VPS8: variants seen among roughly 807,000 people sequenced by gnomAD.
The protein encoded by VPS8 is vacuolar protein sorting-associated protein 8 homolog.
Under a neutral mutation model 216.4 loss-of-function variants are expected in VPS8, and 129 were observed. The ratio of observed to expected loss-of-function variants is 0.60; its 90% CI spans 0.52 to 0.69. The LOEUF is 0.69. VPS8 is among the 30% of genes least tolerant of loss of function. The probability of loss-of-function intolerance (pLI) is 0.00; values close to 1 mark genes in which losing one functional copy is unlikely to be tolerated. For missense variants in VPS8, 1,531 were observed against 1,683.5 expected, an observed-to-expected ratio of 0.91 and a Z score of 1.59; for synonymous variants, 571 against 565.4, an observed-to-expected ratio of 1.01 and a Z score of -0.14.
At chr3:184,915,612 C>CTCAG in intron 28 of VPS8, 138 bp downstream of exon 28, 1 of 871,190 alleles carries the variant, frequency 1.1e-6, no homozygotes, top group Non-Finnish European at 1.7e-6. Flanking sequence ...AGTTCCAGAC[C>CTCAG]AGCCTGGTCA....
At chr3:184,980,675 T>C (rs1396599767) in intron 40 of VPS8, among the ~76,000 whole-genome samples, 11 of 152,292 alleles carry the variant, frequency 7.2e-5, no homozygotes, top group Non-Finnish European at 1.5e-5. Flanking sequence ...ACAGATCAGT[T>C]TGGTTCTTTC....
intron 36 of VPS8, among the ~76,000 whole-genome samples, chr3:184,947,793 A>G (rs1743965806): frequency 6.6e-6 from 1 of 152,202 alleles, no homozygotes; most frequent in Non-Finnish European, 1.5e-5. Flanking sequence ...TCAAAATTTC[A>G]GTGAACTTTT....
At chr3:184,995,695 A>G (rs1183857692) in intron 43 of VPS8, among the ~76,000 whole-genome samples, 1 of 152,240 alleles carries the variant, frequency 6.6e-6, no homozygotes, top group Non-Finnish European at 1.5e-5. Context: ...AATACTATAT[A>G]AATACATAGA....
chr3:184,876,013 C>T (rs1729209453), intron 21 of VPS8, among the ~76,000 whole-genome samples: 1 of 151,450 alleles, frequency 6.6e-6, no homozygotes. Context: ...AGAGTTGTCT[C>T]CATTTCCTTA....
At chr3:184,948,427 G>T (rs1744078479) in intron 36 of VPS8, among the ~76,000 whole-genome samples, 1 of 152,242 alleles carries the variant, frequency 6.6e-6, no homozygotes, top group African/African-American at 2.4e-5. Flanking sequence ...GAGGCAGAAG[G>T]ATTGCTTGAG....
chr3:185,031,365 GA>G (rs1259104176), intron 46 of VPS8, among the ~76,000 whole-genome samples: 2 of 152,110 alleles, frequency 1.3e-5, no homozygotes, highest in Non-Finnish European at 2.9e-5. Context: ...GCCCTTGATC[GA>G]TATAGATGCT....
At chr3:184,921,833 G>A (rs760385790) in intron 29 of VPS8, among the ~76,000 whole-genome samples, 11 of 152,116 alleles carry the variant, frequency 7.2e-5, no homozygotes, top group Non-Finnish European at 1.2e-4. Flanking sequence ...CCAAAGTGCC[G>A]GGATTACAGG....
At chr3:184,945,169 C>A (rs1042668071) in intron 36 of VPS8, among the ~76,000 whole-genome samples, 17 of 151,730 alleles carry the variant, frequency 1.1e-4, no homozygotes, top group South Asian at 6.2e-4. Flanking sequence ...CTCTCTCTCT[C>A]TCTCTATATA....
At chr3:184,949,375 C>G (rs778361721) in intron 36 of VPS8, among the ~76,000 whole-genome samples, 14 of 152,222 alleles carry the variant, frequency 9.2e-5, no homozygotes, top group South Asian at 2.1e-4. Flanking sequence ...GTGACCAAAT[C>G]CCCTACAGCC....
intron 45 of VPS8, among the ~76,000 whole-genome samples, chr3:185,019,552 G>T (rs973103663): frequency 1.3e-5 from 2 of 152,236 alleles, no homozygotes; most frequent in African/African-American, 4.8e-5. Context: ...AAAGGGATGG[G>T]TCTGGCTAGT....
At chr3:184,891,408 G>A (rs1322990166) in intron 22 of VPS8, among the ~76,000 whole-genome samples, 1 of 152,088 alleles carries the variant, frequency 6.6e-6, no homozygotes, top group Non-Finnish European at 1.5e-5. Context: ...TTAGGGTGGT[G>A]CAAAAGTAAT....
chr3:184,997,383 T>C (rs1386381680), intron 44 of VPS8, among the ~76,000 whole-genome samples: 2 of 152,184 alleles, frequency 1.3e-5, no homozygotes, highest in African/African-American at 4.8e-5. Flanking sequence ...TTTGTGAGGA[T>C]TGAATGAGAT....
At position 184,982,339 on chromosome 3, in the gene VPS8, C is replaced by T. The variant is rs1750349816; in HGVS notation, c.3421-227C>T. 10 of 504,856 alleles carry T rather than the reference C, an allele frequency of 2.0e-5. 1 individual carries two copies. The South Asian group carries it at 2.7e-4, about 14-fold the overall frequency. 31.3% of individuals were successfully genotyped at this position (504,856 alleles called of 1,614,324 possible). ...AGTGGCCTCCTTACGTTTCCCAGGG[C>T]TTCATGATAAAGATGCCTGTTCTAG... On this transcript the variant is annotated intron_variant, in intron 40 of 47. Transcript: ENST00000625842.
rs753790339 is a variant in VPS8, at chr3:184,983,155, ATAAC to A, written c.3585+62_3585+65del. 28 of 1,367,460 alleles carry A rather than the reference ATAAC, an allele frequency of 2.0e-5. No individual in the cohort carries two copies. In the South Asian group the frequency reaches 3.8e-4, roughly 19 times the overall value. The allele number at this position is 1,367,460 out of a possible 1,614,324, so 84.7% of individuals were successfully genotyped here. A position where few individuals can be genotyped will look rare whatever the true frequency, so the allele number is the denominator to read the frequency against. ...CAACTAACATTTTAGTTATATATAAATAACAGTGAATTGGGCTAATATTTAAATG... is the reference window on the plus strand; with the variant it reads ...CAACTAACATTTTAGTTATATATAAAAGTGAATTGGGCTAATATTTAAATG... On this transcript the variant is annotated intron_variant, in intron 42 of 47. Transcript: ENST00000625842.
At chr3:184,908,399 G>A (rs1284908660) in intron 25 of VPS8, among the ~76,000 whole-genome samples, 1 of 152,198 alleles carries the variant, frequency 6.6e-6, no homozygotes, top group Non-Finnish European at 1.5e-5. Context: ...TGTGGGATCC[G>A]GCTGGCCACT....
At chr3:184,847,270 G>T (rs149724214) in intron 8 of VPS8, among the ~76,000 whole-genome samples, 1 of 152,156 alleles carries the variant, frequency 6.6e-6, no homozygotes, top group African/African-American at 2.4e-5. Flanking sequence ...GTCATTTTAT[G>T]AGCACAGAAA....
intron 40 of VPS8, among the ~76,000 whole-genome samples, chr3:184,976,469 G>T (rs938478319): frequency 6.6e-6 from 1 of 150,872 alleles, no homozygotes; most frequent in South Asian, 2.1e-4. Context: ...TTTTTGTTGT[G>T]TCTCTGCCAG....
chr3:185,046,549 G>A (rs1287543765), intron 46 of VPS8, among the ~76,000 whole-genome samples: 1 of 152,096 alleles, frequency 6.6e-6, no homozygotes, highest in Non-Finnish European at 1.5e-5. Flanking sequence ...GTTATACAGG[G>A]AGCTGGTAAC....
At position 184,869,936 on chromosome 3, in the gene VPS8, A is replaced by C. The variant is rs528092815; in HGVS notation, c.1644+408A>C. Among the ~76,000 whole-genome samples the C allele has an allele frequency of 1.1e-3, 164 of 152,292 alleles. 1 individual carries two copies. Among genetic ancestry groups the C allele is most frequent in the Non-Finnish European group, 2.0e-3 (139 of 68,026 alleles). ...TCCCTGTGTCATCTTGAATACTTTT[A>C]AAATTCCTTCTTAATCACCTTTTCT... On this transcript the variant is annotated intron_variant, in intron 20 of 47. Transcript: ENST00000625842.
Sources: gnomAD v4.1 joint callset for allele counts (sites outside exome capture counted in the v4.1 genomes callset) on GRCh38, gnomAD v4.1.1 for gene constraint, MANE v1.5 for transcripts, NCBI Gene and HGNC (gene_info 2026-07-23, HGNC 2026-07-21) for gene names.